The following NXPE2 variants were observed in gnomAD, a reference collection of about 807,000 sequenced individuals.
NXPE2 encodes the protein NXPE family member 2.
In NXPE2, 34 loss-of-function variants were observed where a neutral mutation model predicts 34.4. The ratio of observed to expected loss-of-function variants is 0.99; its 90% CI spans 0.75 to 1.31. The LOEUF (loss-of-function observed/expected upper bound fraction) is 1.31, where lower values mean the gene tolerates loss of function less well. Ranked by LOEUF, NXPE2 falls within the 40% of genes most tolerant of loss-of-function variation. The pLI is 0.00. For missense variants in NXPE2, 649 were observed against 672.5 expected (o/e 0.97, Z 0.39); for synonymous variants, 235 against 231.3 (o/e 1.02, Z -0.15).
the NXPE2 span, among the ~76,000 whole-genome samples, chr11:114,469,081 G>A: frequency 1.4e-5 from 2 of 144,760 alleles, no homozygotes; most frequent in African/African-American, 5.1e-5. Context: ...CTGTTACAAT[G>A]TAAGGAGTAA....
chr11:114,640,576 A>G, the NXPE2 span, among the ~76,000 whole-genome samples: 1 of 151,808 alleles, frequency 6.6e-6, no homozygotes, highest in African/African-American at 2.4e-5. Context: ...CCCACCCACA[A>G]TGCATAAGTG....
At chr11:114,509,066 A>G in the NXPE2 span, among the ~76,000 whole-genome samples, 1 of 152,216 alleles carries the variant, frequency 6.6e-6, no homozygotes, top group Non-Finnish European at 1.5e-5. Flanking sequence ...ACAAGAAAAA[A>G]TCAACCCCAT....
the NXPE2 span, among the ~76,000 whole-genome samples, chr11:114,496,058 C>T: frequency 6.6e-6 from 1 of 152,168 alleles, no homozygotes; most frequent in Non-Finnish European, 1.5e-5. Flanking sequence ...TCAGCTGACT[C>T]CAAGCCCAGC....
At chr11:114,643,411 T>C in the NXPE2 span, among the ~76,000 whole-genome samples, 4 of 152,258 alleles carry the variant, frequency 2.6e-5, no homozygotes, top group African/African-American at 9.6e-5. Context: ...AAGTCTTTAA[T>C]TCATCTTGAG....
At chr11:114,541,522 A>G in the NXPE2 span, among the ~76,000 whole-genome samples, 3 of 152,244 alleles carry the variant, frequency 2.0e-5, no homozygotes, top group African/African-American at 7.2e-5. Flanking sequence ...GACACGTGAC[A>G]CAGCCGTCAG....
chr11:114,527,813 A>C, the NXPE2 span: 29 of 1,554,234 alleles, frequency 1.9e-5, 1 homozygote, highest in South Asian at 2.7e-4. Flanking sequence ...TCTGAGCATC[A>C]CCTAACTCAG....
At chr11:114,487,274 C>T in the NXPE2 span, among the ~76,000 whole-genome samples, 2 of 151,918 alleles carry the variant, frequency 1.3e-5, no homozygotes, top group African/African-American at 4.8e-5. Context: ...TGAATTACTT[C>T]CTTGATTTCT....
chr11:114,657,283 G>T, the NXPE2 span, among the ~76,000 whole-genome samples: 1 of 152,096 alleles, frequency 6.6e-6, no homozygotes, highest in Non-Finnish European at 1.5e-5. Context: ...CTTAGCCAGG[G>T]GTCCCCTTGG....
At chr11:114,810,173 C>A in the NXPE2 span, among the ~76,000 whole-genome samples, 1 of 145,624 alleles carries the variant, frequency 6.9e-6, no homozygotes, top group African/African-American at 2.5e-5. Context: ...TTCCTTACAC[C>A]TTATACAAAA....
At chr11:114,577,292 C>T in the NXPE2 span, among the ~76,000 whole-genome samples, 3 of 151,402 alleles carry the variant, frequency 2.0e-5, no homozygotes, top group South Asian at 6.3e-4. Context: ...AGTGAAGTAA[C>T]TCAGGAATGG....
chr11:114,628,473 G>C, the NXPE2 span, among the ~76,000 whole-genome samples: 1 of 152,020 alleles, frequency 6.6e-6, no homozygotes, highest in Non-Finnish European at 1.5e-5. Context: ...TGAAACCAAT[G>C]AGAACAAAGA....
chr11:114,665,902 T>C, the NXPE2 span, among the ~76,000 whole-genome samples: 1 of 152,150 alleles, frequency 6.6e-6, no homozygotes, highest in South Asian at 2.1e-4. Context: ...CTAAAATAGT[T>C]GTCTCCATGA....
chr11:114,587,474 CT>C, the NXPE2 span, among the ~76,000 whole-genome samples: 1 of 152,220 alleles, frequency 6.6e-6, no homozygotes, highest in African/African-American at 2.4e-5. Context: ...CAAGATCCAT[CT>C]ATTGGAGAGT....
the NXPE2 span, among the ~76,000 whole-genome samples, chr11:114,769,125 A>G: frequency 1.3e-5 from 2 of 152,014 alleles, no homozygotes; most frequent in African/African-American, 4.8e-5. Context: ...AAAAAAAACA[A>G]CCCCATCAAA....
chr11:114,577,101 T>TTA, the NXPE2 span, among the ~76,000 whole-genome samples: 2 of 135,040 alleles, frequency 1.5e-5, no homozygotes, highest in African/African-American at 5.5e-5. Context: ...ATATATAAAG[T>TTA]TATATATATA....
the NXPE2 span, among the ~76,000 whole-genome samples, chr11:114,736,983 T>A: frequency 4.6e-5 from 7 of 152,172 alleles, no homozygotes; most frequent in Non-Finnish European, 8.8e-5. Context: ...CTGGAAGTGA[T>A]AACCTGCCAA....
At chr11:114,728,987 A>T in the NXPE2 span, among the ~76,000 whole-genome samples, 9 of 152,032 alleles carry the variant, frequency 5.9e-5, no homozygotes, top group Admixed American at 5.3e-4. Flanking sequence ...GGGTATACTG[A>T]GTGATGCTCA....
the NXPE2 span, chr11:114,581,860 A>G: frequency 1.0e-6 from 1 of 957,556 alleles, no homozygotes; most frequent in Non-Finnish European, 1.6e-6. Flanking sequence ...TAGATTATCC[A>G]GTGCCTCAGT....
At chr11:114,763,185 C>G in the NXPE2 span, among the ~76,000 whole-genome samples, 4 of 152,124 alleles carry the variant, frequency 2.6e-5, no homozygotes, top group Non-Finnish European at 5.9e-5. Flanking sequence ...GCTTTTCTAT[C>G]TTTTTACTAG....
Sources: gnomAD v4.1 joint callset for allele counts (sites outside exome capture counted in the v4.1 genomes callset) on GRCh38, gnomAD v4.1.1 for gene constraint, MANE v1.5 for transcripts, NCBI Gene and HGNC (gene_info 2026-07-23, HGNC 2026-07-21) for gene names.